Variants in FHOD3 observed in about 807,000 individuals in gnomAD.
FHOD3 encodes the protein FH1/FH2 domain-containing protein 3.
A neutral mutation model predicts 173.0 loss-of-function variants in FHOD3; 90 were observed. The observed-to-expected ratio is 0.52, with a 90% CI of 0.44 to 0.62. The LOEUF (loss-of-function observed/expected upper bound fraction) is 0.62, where lower values mean the gene tolerates loss of function less well. Among genes scored for constraint, FHOD3 ranks in the 20% least tolerant of loss-of-function variants. The probability of loss-of-function intolerance (pLI) is 0.00; values close to 1 mark genes in which losing one functional copy is unlikely to be tolerated. For synonymous variants in FHOD3, 828 were observed against 823.0 expected, an observed-to-expected ratio of 1.01 and a Z score of -0.10; for missense variants, 1,945 against 2,034.7, an observed-to-expected ratio of 0.96 and a Z score of 0.85.
chr18:36,672,292 G>A (rs1228115571), intron 14 of FHOD3, among the ~76,000 whole-genome samples: 2 of 152,132 alleles, frequency 1.3e-5, no homozygotes, highest in African/African-American at 4.8e-5. Flanking sequence ...ACCAAAACAT[G>A]GTGGTTTAAA....
rs139362613 is a variant in FHOD3, at chr18:36,381,238, CA to C, written c.337+8495del. Among the ~76,000 whole-genome samples the C allele has an allele frequency of 6.0e-3, 914 of 152,284 alleles. 7 individuals are homozygous for C. Among genetic ancestry groups the C allele is most frequent in the African/African-American group, 0.021 (860 of 41,542 alleles). Reference sequence around the variant, plus strand: ...GTTCCGGCTGAGTTCCAGTGTGGTTCACAGATTGTCTTAGAGGAAAGTAAGT... The same window carrying C: ...GTTCCGGCTGAGTTCCAGTGTGGTTCCAGATTGTCTTAGAGGAAAGTAAGT... On this transcript the variant is annotated intron_variant, in intron 3 of 28. Coordinates refer to ENST00000590592, the MANE Select transcript of FHOD3 (RefSeq NM_001281740.3).
At chr18:36,673,089 C>T (rs1450904527) in intron 14 of FHOD3, among the ~76,000 whole-genome samples, 1 of 152,160 alleles carries the variant, frequency 6.6e-6, no homozygotes, top group African/African-American at 2.4e-5. Context: ...CTGTCATTGA[C>T]AGAAAATCTC....
At chr18:36,372,383 A>T (rs1188586865) in intron 2 of FHOD3, among the ~76,000 whole-genome samples, 1 of 152,194 alleles carries the variant, frequency 6.6e-6, no homozygotes, top group East Asian at 1.9e-4. Context: ...CAGATTTTAA[A>T]ATTTTCCCAA....
chr18:36,717,054 G>A (rs983351190), intron 18 of FHOD3, among the ~76,000 whole-genome samples: 2 of 151,870 alleles, frequency 1.3e-5, no homozygotes, highest in Admixed American at 6.6e-5. Context: ...GTGGGCAGTC[G>A]ACCCCTGCTA....
chr18:36,656,636 A>G (rs1361119658), intron 13 of FHOD3, among the ~76,000 whole-genome samples: 1 of 152,198 alleles, frequency 6.6e-6, no homozygotes, highest in African/African-American at 2.4e-5. Flanking sequence ...GCCCATTTTT[A>G]TAGTTTTTCC....
Position 36,297,879 on chromosome 18 carries a change from AC to A in FHOD3, c.47del (p.Pro16LeufsTer85), listed in dbSNP as rs1363771001. ...CGGGTGCAGTTCTTGGACGACACGG[AC>A]CCTTTCAACAGCACCAACTTCCCCG... ...ACRVQFLDDT[D>X]PFNSTNFPEP... On this transcript the variant is annotated frameshift_variant, in exon 1 of 29. Transcript: ENST00000590592. LOFTEE classifies it high-confidence loss of function. 6.4e-7 allele frequency: 1 copy of A among 1,553,550 alleles called. No individual in the cohort carries two copies. Among genetic ancestry groups the A allele is most frequent in the Non-Finnish European group, 8.7e-7 (1 of 1,150,370 alleles).
intron 5 of FHOD3, among the ~76,000 whole-genome samples, chr18:36,524,105 AACCCCATTTCT>A (rs2056401158): frequency 1.3e-5 from 2 of 152,100 alleles, no homozygotes; most frequent in Non-Finnish European, 2.9e-5. Context: ...AACATGGTGA[AACCCCATTTCT>A]ACTAAAAATA....
intron 17 of FHOD3, among the ~76,000 whole-genome samples, chr18:36,702,314 C>T (rs1041048297): frequency 2.6e-5 from 4 of 152,194 alleles, no homozygotes; most frequent in Non-Finnish European, 5.9e-5. Context: ...ATTATTCAAC[C>T]TAGAATACCC....
chr18:36,627,688 G>A (rs981451526), intron 10 of FHOD3, among the ~76,000 whole-genome samples: 1 of 152,118 alleles, frequency 6.6e-6, no homozygotes, highest in Non-Finnish European at 1.5e-5. Context: ...CTTCATTTAC[G>A]AAGCCTGTTG....
chr18:36,722,296 C>A (rs949773745), intron 19 of FHOD3, among the ~76,000 whole-genome samples: 4 of 152,124 alleles, frequency 2.6e-5, no homozygotes, highest in African/African-American at 7.2e-5. Context: ...CCCTGGGGAG[C>A]CCCAGGAAAG....
At chr18:36,568,795 AT>A (rs1241910164) in intron 5 of FHOD3, among the ~76,000 whole-genome samples, 3 of 152,228 alleles carry the variant, frequency 2.0e-5, no homozygotes, top group Non-Finnish European at 4.4e-5. Context: ...TTTTAAAAAT[AT>A]CCAGGAGATA....
At chr18:36,403,061 G>A (rs1345914803) in intron 3 of FHOD3, among the ~76,000 whole-genome samples, 3 of 152,214 alleles carry the variant, frequency 2.0e-5, no homozygotes, top group African/African-American at 4.8e-5. Flanking sequence ...GGCCATGAGG[G>A]TGCAGGGTGC....
At chr18:36,327,897 G>C (rs1362136364) in intron 1 of FHOD3, among the ~76,000 whole-genome samples, 1 of 152,176 alleles carries the variant, frequency 6.6e-6, no homozygotes, top group East Asian at 1.9e-4. Context: ...AAACCAATGT[G>C]TATGCCTGTG....
At chr18:36,326,185 A>G (rs1292807923) in intron 1 of FHOD3, among the ~76,000 whole-genome samples, 1 of 152,234 alleles carries the variant, frequency 6.6e-6, no homozygotes, top group Non-Finnish European at 1.5e-5. Context: ...CAAGGAAAGA[A>G]ATAACAAGAA....
At chr18:36,409,428 A>G (rs1277543732) in intron 3 of FHOD3, among the ~76,000 whole-genome samples, 1 of 152,026 alleles carries the variant, frequency 6.6e-6, no homozygotes, top group South Asian at 2.1e-4. Context: ...GTCTTGCACT[A>G]TTCAACTCAG....
chr18:36,355,677 C>A, intron 2 of FHOD3, 32 bp downstream of exon 2: 2 of 1,571,568 alleles, frequency 1.3e-6, no homozygotes, highest in South Asian at 2.2e-5. Context: ...GCTGACTGGT[C>A]CCCACCTACC....
At chr18:36,600,252 A>AACGCACAC (rs1555778035) in intron 7 of FHOD3, among the ~76,000 whole-genome samples, 1 of 143,068 alleles carries the variant, frequency 7.0e-6, no homozygotes, top group Non-Finnish European at 1.5e-5. Context: ...TCTCCTCTGC[A>AACGCACAC]ACACACACAC....
intron 9 of FHOD3, among the ~76,000 whole-genome samples, chr18:36,614,124 C>T (rs1294783605): frequency 1.3e-5 from 2 of 152,200 alleles, no homozygotes; most frequent in African/African-American, 4.8e-5. Flanking sequence ...TTTTGTCACT[C>T]CCAAAAGAAA....
At chr18:36,600,508 A>G (rs919916064) in intron 7 of FHOD3, among the ~76,000 whole-genome samples, 1 of 152,234 alleles carries the variant, frequency 6.6e-6, no homozygotes, top group African/African-American at 2.4e-5. Flanking sequence ...CCAAAACAAT[A>G]AAAAGAATGA....
Sources: gnomAD v4.1 joint callset for allele counts (sites outside exome capture counted in the v4.1 genomes callset) on GRCh38, gnomAD v4.1.1 for gene constraint, MANE v1.5 for transcripts, NCBI Gene and HGNC (gene_info 2026-07-23, HGNC 2026-07-21) for gene names.